Variants in KAZN observed in about 807,000 individuals in gnomAD.
KAZN encodes the protein kazrin.
A neutral mutation model predicts 87.4 loss-of-function variants in KAZN; 40 were observed. The ratio of observed to expected loss-of-function variants is 0.46; its 90% CI spans 0.36 to 0.60. The LOEUF (loss-of-function observed/expected upper bound fraction) is 0.60. KAZN is among the 20% of genes least tolerant of loss of function. The probability of loss-of-function intolerance (pLI) is 0.00; values close to 1 mark genes in which losing one functional copy is unlikely to be tolerated. For missense variants in KAZN, 898 were observed against 1,073.9 expected, an observed-to-expected ratio of 0.84 and a Z score of 2.29; for synonymous variants, 466 against 458.3, an observed-to-expected ratio of 1.02 and a Z score of -0.22.
Position 14,408,958 on chromosome 1 carries a change from G to C in KAZN, c.250-190025G>C, listed in dbSNP as rs994309890. Among the ~76,000 whole-genome samples the C allele has an allele frequency of 2.0e-5, 3 of 152,138 alleles. No homozygotes were observed. The South Asian group carries it at 6.2e-4, about 32-fold the overall frequency. On this transcript the variant is annotated intron_variant, in intron 2 of 16. Coordinates refer to the KAZN transcript ENST00000636203. ...TGGGGTCAGGAAGGATCTTGCAGAG[G>C]ATATTTAAGATGAGACCAGAGGATG...
At chr1:14,420,129 G>A (rs1437218849) in intron 2 of KAZN, among the ~76,000 whole-genome samples, 2 of 152,180 alleles carry the variant, frequency 1.3e-5, no homozygotes, top group African/African-American at 4.8e-5. Context: ...CAATCCCTGA[G>A]CTAGACACAA....
At chr1:14,449,813 G>A (rs1008583639) in intron 2 of KAZN, among the ~76,000 whole-genome samples, 13 of 152,266 alleles carry the variant, frequency 8.5e-5, no homozygotes, top group East Asian at 3.9e-4. Flanking sequence ...GATACCAAGC[G>A]ATGATTCCTC....
intron 2 of KAZN, among the ~76,000 whole-genome samples, chr1:14,508,469 A>G (rs1449555577): frequency 1.3e-5 from 2 of 152,186 alleles, no homozygotes; most frequent in Non-Finnish European, 2.9e-5. Context: ...ATAATAATAA[A>G]CTACGGATGA....
rs1041149072 is a variant in KAZN at position 15,077,659 on chromosome 1, TG to T, written c.1222+11911del. Among the ~76,000 whole-genome samples the T allele has an allele frequency of 4.1e-4, 63 of 152,210 alleles. No homozygotes were observed. Among genetic ancestry groups the T allele is most frequent in the African/African-American group, 1.1e-3 (46 of 41,540 alleles). ...GTCTCTGGGACTCAGAGATGGGGGTTGGGGGTTTCACCTTCAGGTGAAGATG... is the reference window on the plus strand; with the variant it reads ...GTCTCTGGGACTCAGAGATGGGGGTTGGGGTTTCACCTTCAGGTGAAGATG... On this transcript the variant is annotated intron_variant, in intron 8 of 14. Transcript: ENST00000376030. The surrounding 1 kb of genome is among the most constrained non-coding windows in gnomAD (Gnocchi z 4.8).
chr1:14,543,503 G>T (rs1672940925), intron 2 of KAZN, among the ~76,000 whole-genome samples: 1 of 152,192 alleles, frequency 6.6e-6, no homozygotes, highest in African/African-American at 2.4e-5. Context: ...TCCATCCCAT[G>T]CATTGAGTGA....
chr1:14,513,850 A>G (rs1026402593), intron 2 of KAZN, among the ~76,000 whole-genome samples: 18 of 152,134 alleles, frequency 1.2e-4, no homozygotes, highest in African/African-American at 4.1e-4. Context: ...TTTCCGCATT[A>G]ATGTAGCAGG....
At chr1:14,411,657 A>G (rs1571563345) in intron 2 of KAZN, among the ~76,000 whole-genome samples, 1 of 152,218 alleles carries the variant, frequency 6.6e-6, no homozygotes, top group African/African-American at 2.4e-5. Context: ...TCTAAAAGTT[A>G]CATGCACTTC....
chr1:14,539,528 G>A (rs1672690005), intron 2 of KAZN, among the ~76,000 whole-genome samples: 1 of 152,136 alleles, frequency 6.6e-6, no homozygotes, highest in Non-Finnish European at 1.5e-5. Context: ...ATGGAATTCT[G>A]CGTCCTCTCT....
At chr1:13,984,861 T>C (rs1638933869) in intron 1 of KAZN, among the ~76,000 whole-genome samples, 1 of 152,252 alleles carries the variant, frequency 6.6e-6, no homozygotes, top group South Asian at 2.1e-4. Context: ...TCAATAGTTT[T>C]TATTCTATAA....
At chr1:14,932,196 G>A (rs1012212649) in intron 1 of KAZN, among the ~76,000 whole-genome samples, 2 of 152,172 alleles carry the variant, frequency 1.3e-5, no homozygotes. Context: ...ATTCACCTCT[G>A]GGCCGCCTGT....
At chr1:14,730,295 G>C (rs985193975) in intron 1 of KAZN, among the ~76,000 whole-genome samples, 12 of 152,156 alleles carry the variant, frequency 7.9e-5, no homozygotes, top group African/African-American at 2.9e-4. Flanking sequence ...TGTTGGTCAG[G>C]CTGGTCTCGA....
At chr1:14,042,665 A>G (rs756603463) in intron 1 of KAZN, among the ~76,000 whole-genome samples, 1 of 151,904 alleles carries the variant, frequency 6.6e-6, no homozygotes, top group South Asian at 2.1e-4. Context: ...TTGTGAATTG[A>G]TTTTTTAGAG....
At chr1:14,808,748 C>T (rs1213196673) in intron 1 of KAZN, among the ~76,000 whole-genome samples, 1 of 152,044 alleles carries the variant, frequency 6.6e-6, no homozygotes, top group East Asian at 1.9e-4. Flanking sequence ...TAACAGAATA[C>T]CCAACAGAGT....
intron 2 of KAZN, among the ~76,000 whole-genome samples, chr1:14,271,475 G>C (rs1404123026): frequency 6.6e-6 from 1 of 152,186 alleles, no homozygotes; most frequent in Non-Finnish European, 1.5e-5. Flanking sequence ...GAGTTGCAAG[G>C]TATAATCTGA....
intron 1 of KAZN, among the ~76,000 whole-genome samples, chr1:14,698,703 G>A (rs577954656): frequency 1.4e-4 from 21 of 152,296 alleles, no homozygotes; most frequent in African/African-American, 3.4e-4. Context: ...CTAAAACACC[G>A]CCTCCTCAGC....
intron 4 of KAZN, among the ~76,000 whole-genome samples, chr1:15,051,916 C>A (rs1194273619): frequency 2.0e-5 from 3 of 152,222 alleles, no homozygotes; most frequent in Admixed American, 6.5e-5. Flanking sequence ...GAAACTAGTT[C>A]TGTCTGACTT....
intron 2 of KAZN, among the ~76,000 whole-genome samples, chr1:14,206,593 A>T (rs1010892807): frequency 5.3e-5 from 8 of 152,060 alleles, no homozygotes; most frequent in East Asian, 3.8e-4. Context: ...CAAGTGTTTT[A>T]AAAAAAATAA....
At chr1:14,699,310 C>G (rs12083763) in intron 1 of KAZN, among the ~76,000 whole-genome samples, 3,447 of 152,316 alleles carry the variant, frequency 0.023, 144 homozygotes, top group African/African-American at 0.079. Flanking sequence ...GGACTCCATG[C>G]CTGGAAGGTT....
At chr1:14,675,933 C>A (rs964814083) in intron 1 of KAZN, among the ~76,000 whole-genome samples, 3 of 151,688 alleles carry the variant, frequency 2.0e-5, no homozygotes, top group Non-Finnish European at 4.4e-5. Context: ...TTTGGCCCTG[C>A]TCTACACCCC....
Sources: gnomAD v4.1 joint callset for allele counts (sites outside exome capture counted in the v4.1 genomes callset) on GRCh38, gnomAD v4.1.1 for gene constraint, Gnocchi (gnomAD v3.1) non-coding constraint, MANE v1.5 for transcripts, NCBI Gene and HGNC (gene_info 2026-07-23, HGNC 2026-07-21) for gene names.